XKR3: variants seen among roughly 807,000 people sequenced by gnomAD.
The protein encoded by XKR3 is XK-related protein 3.
Under a neutral mutation model 40.3 loss-of-function variants are expected in XKR3, and 27 were observed. The ratio of observed to expected loss-of-function variants is 0.67; its 90% CI spans 0.49 to 0.92. The LOEUF (loss-of-function observed/expected upper bound fraction) is 0.92, where lower values mean the gene tolerates loss of function less well. Ranked by LOEUF, XKR3 falls within the 40% of genes least tolerant of loss-of-function variation. XKR3 has a pLI of 0.00. For synonymous variants in XKR3, 193 were observed against 195.4 expected, an observed-to-expected ratio of 0.99 and a Z score of 0.10; for missense variants, 472 against 537.6, an observed-to-expected ratio of 0.88 and a Z score of 1.21.
At chr22:16,788,355 A>G (rs1309974778) in intron 3 of XKR3, among the ~76,000 whole-genome samples, 1 of 152,136 alleles carries the variant, frequency 6.6e-6, no homozygotes, top group Non-Finnish European at 1.5e-5. Flanking sequence ...AATACACCAA[A>G]CCAAAGAATT....
chr22:16,813,562 T>A (rs2060221738), intron 1 of XKR3, among the ~76,000 whole-genome samples: 1 of 152,198 alleles, frequency 6.6e-6, no homozygotes, highest in African/African-American at 2.4e-5. Context: ...ATCAGATATA[T>A]GGTGAGTGAA....
At chr22:16,796,640 C>T (rs1356869895) in intron 3 of XKR3, among the ~76,000 whole-genome samples, 1 of 152,154 alleles carries the variant, frequency 6.6e-6, no homozygotes, top group East Asian at 1.9e-4. Context: ...AATCAAACAT[C>T]TCTTCATGAT....
chr22:16,803,600 T>C (rs1215924431), intron 2 of XKR3, among the ~76,000 whole-genome samples: 2 of 152,210 alleles, frequency 1.3e-5, no homozygotes, highest in African/African-American at 2.4e-5. Flanking sequence ...CAGGTCATAA[T>C]GAACTTCCTA....
intron 1 of XKR3, among the ~76,000 whole-genome samples, chr22:16,811,736 C>T (rs1051353867): frequency 3.0e-4 from 46 of 152,112 alleles, no homozygotes; most frequent in African/African-American, 9.7e-4. Context: ...TGGCCGGGCA[C>T]GGTGGCTCAC....
chr22:16,791,913 GT>G (rs10617091), intron 3 of XKR3, among the ~76,000 whole-genome samples: 10,466 of 150,022 alleles, frequency 0.07, 1,062 homozygotes, highest in African/African-American at 0.22. Flanking sequence ...TTTTCTTTTT[GT>G]TTTTTTTTTT....
chr22:16,809,835 T>A lies in XKR3; in HGVS notation c.-10-1752A>T, dbSNP rs139477619. The stretch of plus-strand genomic sequence containing the variant: ...TGTAGTGGTGCGATCAAGGACTCAC[T>A]GCAGCCTCAACCTCCCAAGCTCAAG... On this transcript the variant is annotated intron_variant, in intron 1 of 3. Transcript: ENST00000684488. Among the ~76,000 whole-genome samples the A allele has an allele frequency of 6.2e-4, 95 of 152,334 alleles. 2 individuals carry two copies. Among genetic ancestry groups the A allele is most frequent in the African/African-American group, 2.1e-3 (89 of 41,576 alleles).
intron 3 of XKR3, among the ~76,000 whole-genome samples, chr22:16,793,009 A>T (rs1219723409): frequency 1.3e-5 from 2 of 151,768 alleles, no homozygotes; most frequent in African/African-American, 4.8e-5. Context: ...TTTATTTTTT[A>T]TTTTATTTTA....
At chr22:16,785,414 T>C (rs1569034579) in intron 3 of XKR3, among the ~76,000 whole-genome samples, 39 of 152,290 alleles carry the variant, frequency 2.6e-4, no homozygotes, top group Non-Finnish European at 1.0e-4. Flanking sequence ...GCAAAATTAT[T>C]TTAATTTCAA....
At chr22:16,819,203 A>G (rs1199798003) in intron 1 of XKR3, among the ~76,000 whole-genome samples, 3 of 152,172 alleles carry the variant, frequency 2.0e-5, no homozygotes, top group Non-Finnish European at 4.4e-5. Context: ...ATGTTGTGTT[A>G]ATCTTCCCCA....
intron 3 of XKR3, among the ~76,000 whole-genome samples, chr22:16,796,253 T>C (rs1193449299): frequency 6.6e-6 from 1 of 152,142 alleles, no homozygotes; most frequent in Non-Finnish European, 1.5e-5. Context: ...AGCAGATGAA[T>C]TCATAGCCAA....
chr22:16,810,608 C>T (rs868709961), intron 1 of XKR3, among the ~76,000 whole-genome samples: 6 of 152,072 alleles, frequency 3.9e-5, no homozygotes, highest in Non-Finnish European at 2.9e-5. Context: ...TTTTAAAGTA[C>T]ACATTTAGTG....
At chr22:16,805,374 GTGTAAGACC>G (rs1478688137) in intron 2 of XKR3, among the ~76,000 whole-genome samples, 2 of 152,146 alleles carry the variant, frequency 1.3e-5, no homozygotes, top group African/African-American at 4.8e-5. Context: ...TGACAAGTAA[GTGTAAGACC>G]TGTACATTTA....
rs528071823 is a variant in XKR3, at chr22:16,799,413, C to CAAAAAAAAAAAAAAAAAAAAA, written c.589+337_589+357dup. Among the ~76,000 whole-genome samples the CAAAAAAAAAAAAAAAAAAAAA allele has an allele frequency of 1.0e-3, 34 of 32,536 alleles. 3 individuals carry two copies. The highest frequency in any genetic ancestry group is 2.2e-3 in the African/African-American group (14 of 6,490). 21.3% of individuals were successfully genotyped at this position (32,536 alleles called of 152,430 possible). Reference sequence around the variant, plus strand: ...TGGGCGACAAAGTGAGACTATGTCTCAAAAAAAAAAAAAAAAAAAAAGCAA... The same window carrying CAAAAAAAAAAAAAAAAAAAAA: ...TGGGCGACAAAGTGAGACTATGTCTCAAAAAAAAAAAAAAAAAAAAAAAAAAAAAAAAAAAAAAAAAAGCAA... On this transcript the variant is annotated intron_variant, in intron 3 of 3. Coordinates refer to ENST00000684488, the MANE Select transcript of XKR3 (RefSeq NM_001386955.1).
At chr22:16,819,116 C>T (rs1210783619) in intron 1 of XKR3, among the ~76,000 whole-genome samples, 1 of 151,796 alleles carries the variant, frequency 6.6e-6, no homozygotes, top group African/African-American at 2.4e-5. Context: ...TATGCTGAAA[C>T]ATATAAAACA....
Position 16,799,457 on chromosome 22 carries a change from G to A in XKR3, c.589+314C>T, listed in dbSNP as rs180947232. Among the ~76,000 whole-genome samples, 157 of 105,834 alleles carry A rather than the reference G, an allele frequency of 1.5e-3. 1 individual carries two copies. The highest frequency in any genetic ancestry group is 6.0e-3 in the Admixed American group (60 of 9,938). 69.4% of individuals were successfully genotyped at this position (105,834 alleles called of 152,430 possible). A position where few individuals can be genotyped will look rare whatever the true frequency, so the allele number is the denominator to read the frequency against. ...AAAGCAATGCTGTTTATACAAGGTA[G>A]ATTATAACAAAAATATGTTTTAGAT... On this transcript the variant is annotated intron_variant, in intron 3 of 3. Transcript: ENST00000684488.
chr22:16,819,438 CCAGAAATAGAGTCA>C (rs1329207522), intron 1 of XKR3, among the ~76,000 whole-genome samples: 1 of 151,888 alleles, frequency 6.6e-6, no homozygotes, highest in African/African-American at 2.4e-5. Context: ...AAAAGGAAGC[CCAGAAATAGAGTCA>C]CACTGATTTG....
At chr22:16,812,808 C>G (rs2060217944) in intron 1 of XKR3, among the ~76,000 whole-genome samples, 2 of 152,172 alleles carry the variant, frequency 1.3e-5, no homozygotes, top group African/African-American at 4.8e-5. Flanking sequence ...CATTAGCATT[C>G]TATACCAGCT....
chr22:16,796,714 C>T (rs1170229202), intron 3 of XKR3, among the ~76,000 whole-genome samples: 24 of 152,186 alleles, frequency 1.6e-4, no homozygotes, highest in African/African-American at 5.8e-4. Flanking sequence ...TATAATGAAC[C>T]CATAGCCAAC....
intron 1 of XKR3, among the ~76,000 whole-genome samples, chr22:16,816,750 A>G (rs887011104): frequency 2.0e-5 from 3 of 151,912 alleles, no homozygotes; most frequent in African/African-American, 4.8e-5. Context: ...CCTTCTATAC[A>G]TGTTTTCCTT....
Sources: gnomAD v4.1 joint callset for allele counts (sites outside exome capture counted in the v4.1 genomes callset) on GRCh38, gnomAD v4.1.1 for gene constraint, MANE v1.5 for transcripts, NCBI Gene and HGNC (gene_info 2026-07-23, HGNC 2026-07-21) for gene names.